Variants in ZNF536 observed in about 807,000 individuals in gnomAD.
The protein encoded by ZNF536 is zinc finger protein 536.
A neutral mutation model predicts 84.5 loss-of-function variants in ZNF536; 13 were observed. The ratio of observed to expected loss-of-function variants is 0.15; its 90% CI spans 0.10 to 0.24. The LOEUF is 0.24. Among genes scored for constraint, ZNF536 ranks in the 10% least tolerant of loss-of-function variants. The probability of loss-of-function intolerance (pLI) is 1.00; values close to 1 mark genes in which losing one functional copy is unlikely to be tolerated. For synonymous variants in ZNF536, 811 were observed against 742.5 expected (o/e 1.09, Z -1.50); for missense variants, 1,536 against 1,747.5 (o/e 0.88, Z 2.16).
intron 2 of ZNF536, among the ~76,000 whole-genome samples, chr19:30,446,429 T>C (rs2052350738): frequency 6.6e-6 from 1 of 152,108 alleles, no homozygotes; most frequent in Non-Finnish European, 1.5e-5. Flanking sequence ...ACTCAGGAGC[T>C]GGCATTCTGC....
chr19:30,325,379 C>G (rs2046990332), intron 2 of ZNF536, among the ~76,000 whole-genome samples: 1 of 152,212 alleles, frequency 6.6e-6, no homozygotes, highest in Non-Finnish European at 1.5e-5. Context: ...CAACCCAGGG[C>G]TGCAAGTCAG....
intron 1 of ZNF536, among the ~76,000 whole-genome samples, chr19:30,270,152 A>C (rs1487034111): frequency 6.6e-6 from 1 of 152,218 alleles, no homozygotes; most frequent in African/African-American, 2.4e-5. Context: ...ATATGGTGAC[A>C]ACTATGTGTG....
intron 2 of ZNF536, among the ~76,000 whole-genome samples, chr19:30,291,227 G>T (rs969296835): frequency 1.3e-5 from 2 of 152,140 alleles, no homozygotes; most frequent in Non-Finnish European, 2.9e-5. Context: ...TGGGTTAAAT[G>T]GTATTTCTGG....
chr19:30,258,449 G>A (rs2025024283), intron 1 of ZNF536, among the ~76,000 whole-genome samples: 2 of 152,172 alleles, frequency 1.3e-5, no homozygotes, highest in Non-Finnish European at 2.9e-5. Flanking sequence ...ATATGTAGTT[G>A]TATAATGCGT....
intron 3 of ZNF536, among the ~76,000 whole-genome samples, chr19:30,362,547 G>A (rs1453155006): frequency 6.6e-6 from 1 of 152,192 alleles, no homozygotes; most frequent in Admixed American, 6.5e-5. Context: ...TGCAGGGGCA[G>A]CTACTCCTGT....
At chr19:30,314,285 G>A (rs1011905077) in intron 2 of ZNF536, among the ~76,000 whole-genome samples, 4 of 152,140 alleles carry the variant, frequency 2.6e-5, no homozygotes, top group South Asian at 2.1e-4. Context: ...GGGGCGGTGC[G>A]GGCTGGACTA....
chr19:30,592,347 T>G (rs973766179), intron 1 of ZNF536, among the ~76,000 whole-genome samples: 5 of 152,194 alleles, frequency 3.3e-5, no homozygotes, highest in African/African-American at 1.2e-4. Context: ...TTTTTCCATT[T>G]TTCCCCTTCC....
At chr19:30,302,276 C>T (rs1188236372) in intron 2 of ZNF536, among the ~76,000 whole-genome samples, 4 of 152,166 alleles carry the variant, frequency 2.6e-5, no homozygotes, top group Non-Finnish European at 5.9e-5. Flanking sequence ...CGTCCTGCGG[C>T]AGGGAGGGCT....
At chr19:30,600,979 T>C (rs1341767948) in intron 1 of ZNF536, among the ~76,000 whole-genome samples, 1 of 152,240 alleles carries the variant, frequency 6.6e-6, no homozygotes, top group Non-Finnish European at 1.5e-5. Flanking sequence ...TTTTTACTGA[T>C]GGAGTTGGTT....
intron 1 of ZNF536, among the ~76,000 whole-genome samples, chr19:30,637,653 C>T (rs2049116691): frequency 6.6e-6 from 1 of 152,154 alleles, no homozygotes; most frequent in Admixed American, 6.5e-5. Flanking sequence ...ATCCTTCTAC[C>T]CTTGATGATC....
intron 2 of ZNF536, chr19:30,284,212 T>A (rs2045552109): frequency 6.6e-6 from 1 of 152,292 alleles, no homozygotes; most frequent in Non-Finnish European, 1.5e-5. Flanking sequence ...CAGGCTGCCT[T>A]CTCTGGGCTG....
chr19:30,707,051 G>C (rs2052267980), intron 1 of ZNF536, among the ~76,000 whole-genome samples: 1 of 152,098 alleles, frequency 6.6e-6, no homozygotes. Context: ...AGAGTAGCTC[G>C]AACTCTCTCT....
intron 1 of ZNF536, among the ~76,000 whole-genome samples, chr19:30,603,709 G>C (rs1162812704): frequency 5.9e-5 from 9 of 152,080 alleles, no homozygotes; most frequent in Non-Finnish European, 1.3e-4. Flanking sequence ...AAAACAATGT[G>C]GTACACAGTA....
chr19:30,620,228 G>A (rs967497015), intron 1 of ZNF536, among the ~76,000 whole-genome samples: 4 of 152,088 alleles, frequency 2.6e-5, no homozygotes, highest in African/African-American at 9.7e-5. Context: ...CTCTTCCTGT[G>A]GTGCTGCCAT....
At chr19:30,302,989 T>A (rs2046234497) in intron 2 of ZNF536, among the ~76,000 whole-genome samples, 1 of 152,202 alleles carries the variant, frequency 6.6e-6, no homozygotes, top group Non-Finnish European at 1.5e-5. Context: ...ACATAATTTT[T>A]CCTGACATTG....
chr19:30,460,652 A>C (rs1025806308), intron 2 of ZNF536, among the ~76,000 whole-genome samples: 2 of 152,170 alleles, frequency 1.3e-5, no homozygotes, highest in Non-Finnish European at 2.9e-5. Context: ...GCCAAATGAC[A>C]TATCCTTCCA....
intron 2 of ZNF536, among the ~76,000 whole-genome samples, chr19:30,500,708 A>G (rs994423183): frequency 9.9e-5 from 15 of 152,174 alleles, no homozygotes; most frequent in Non-Finnish European, 2.1e-4. Context: ...TCACAACCCC[A>G]GGCTTGCTCC....
rs144167395 is a variant in ZNF536, at chr19:30,637,514, A to G, written c.170-73243A>G. ...CTATAGACTCAAATTGGGTCTTGGC[A>G]TGAGGTTGAGGACACTTGTTGGCCA... On this transcript the variant is annotated intron_variant, in intron 1 of 1. Transcript: ENST00000592773. 3.7e-3 allele frequency among the ~76,000 whole-genome samples: 562 copies of G among 152,344 alleles called. 4 individuals carry two copies. Among genetic ancestry groups the G allele is most frequent in the African/African-American group, 0.013 (542 of 41,582 alleles).
At chr19:30,372,908 C>A (rs1023878946) in intron 1 of ZNF536, among the ~76,000 whole-genome samples, 2 of 149,228 alleles carry the variant, frequency 1.3e-5, no homozygotes, top group Admixed American at 6.7e-5. Flanking sequence ...AAACAACCCA[C>A]CTGCTTCTAA....
Sources: gnomAD v4.1 joint callset for allele counts (sites outside exome capture counted in the v4.1 genomes callset) on GRCh38, gnomAD v4.1.1 for gene constraint, MANE v1.5 for transcripts, NCBI Gene and HGNC (gene_info 2026-07-23, HGNC 2026-07-21) for gene names.